ROBO2: variants seen among roughly 807,000 people sequenced by gnomAD.
The protein encoded by ROBO2 is roundabout guidance receptor 2.
In ROBO2, 53 loss-of-function variants were observed where a neutral mutation model predicts 160.8. The ratio of observed to expected loss-of-function variants is 0.33; its 90% CI spans 0.26 to 0.41. The LOEUF (loss-of-function observed/expected upper bound fraction) is 0.41, where lower values mean the gene tolerates loss of function less well. Among genes scored for constraint, ROBO2 ranks in the 10% least tolerant of loss-of-function variants. The pLI is 1.00. For missense variants in ROBO2, 1,577 were observed against 1,722.4 expected (o/e 0.92, Z 1.49); for synonymous variants, 664 against 611.7 (o/e 1.09, Z -1.26).
intron 2 of ROBO2, among the ~76,000 whole-genome samples, chr3:77,107,025 T>C (rs777592475): frequency 2.0e-5 from 3 of 152,190 alleles, no homozygotes; most frequent in Non-Finnish European, 4.4e-5. Context: ...ATAAACTGGG[T>C]AGCTTTTTAG....
chr3:77,178,129 C>G (rs758199972), intron 2 of ROBO2, among the ~76,000 whole-genome samples: 1 of 151,892 alleles, frequency 6.6e-6, no homozygotes, highest in African/African-American at 2.4e-5. Context: ...AAGACAACAT[C>G]ACAGAAGATA....
intron 2 of ROBO2, among the ~76,000 whole-genome samples, chr3:76,770,656 G>A (rs546046766): frequency 6.6e-6 from 1 of 151,126 alleles, no homozygotes; most frequent in Admixed American, 6.6e-5. Flanking sequence ...GAGAAACAAA[G>A]AATGTAAAGG....
intron 2 of ROBO2, among the ~76,000 whole-genome samples, chr3:76,276,676 G>T (rs1032842443): frequency 2.0e-5 from 3 of 151,948 alleles, no homozygotes. Context: ...ATGAAGAAAG[G>T]CTTACCAATG....
At chr3:77,185,547 G>A (rs2081203174) in intron 2 of ROBO2, among the ~76,000 whole-genome samples, 2 of 151,888 alleles carry the variant, frequency 1.3e-5, no homozygotes, top group African/African-American at 2.4e-5. Flanking sequence ...CAGTGAACAG[G>A]GAACATTGCT....
At chr3:76,363,936 C>T (rs1168307513) in intron 2 of ROBO2, among the ~76,000 whole-genome samples, 1 of 152,040 alleles carries the variant, frequency 6.6e-6, no homozygotes, top group East Asian at 1.9e-4. Context: ...ACCTTGGTCA[C>T]AGAAAGCTCA....
intron 2 of ROBO2, among the ~76,000 whole-genome samples, chr3:76,350,661 C>G (rs1029788735): frequency 6.6e-6 from 1 of 151,896 alleles, no homozygotes; most frequent in African/African-American, 2.4e-5. Context: ...GCATTAATTA[C>G]TTTAATGGGA....
intron 2 of ROBO2, among the ~76,000 whole-genome samples, chr3:76,910,203 G>A (rs567971120): frequency 6.6e-6 from 1 of 151,980 alleles, no homozygotes; most frequent in South Asian, 2.1e-4. Flanking sequence ...GTTTTGATTG[G>A]GACACTGTTC....
intron 2 of ROBO2, among the ~76,000 whole-genome samples, chr3:76,683,091 G>C (rs2092604588): frequency 6.6e-6 from 1 of 152,206 alleles, no homozygotes; most frequent in Admixed American, 6.6e-5. Flanking sequence ...TATTTCATAA[G>C]AAATAGGTTA....
In ROBO2 at chr3:76,087,388, A is replaced by G. The variant is rs551209890; in HGVS notation, c.109+149786A>G. ...AATATTTAATTTCTTGATAGAAATA[A>G]AAAACTCACCAAGCTAGAATTCTGT... On this transcript the variant is annotated intron_variant, in intron 2 of 26. Transcript: ENST00000487694. Among the ~76,000 whole-genome samples, 22 of 152,224 alleles carry G rather than the reference A, an allele frequency of 1.4e-4. No homozygotes were observed. The East Asian group carries it at 4.2e-3, about 29-fold the overall frequency.
chr3:76,363,807 T>A (rs34323985), intron 2 of ROBO2, among the ~76,000 whole-genome samples: 20,051 of 151,910 alleles, frequency 0.13, 1,632 homozygotes, highest in African/African-American at 0.23. Context: ...GTTTTTTTTT[T>A]AAATGTTTTA....
intron 1 of ROBO2, among the ~76,000 whole-genome samples, chr3:77,091,081 A>G (rs1005997060): frequency 3.9e-5 from 6 of 152,214 alleles, no homozygotes; most frequent in Non-Finnish European, 7.3e-5. Flanking sequence ...ACAGCTTGAA[A>G]TACATTGCTT....
chr3:76,191,315 G>A (rs879080101), intron 2 of ROBO2, among the ~76,000 whole-genome samples: 3 of 152,114 alleles, frequency 2.0e-5, no homozygotes, highest in Admixed American at 6.6e-5. Context: ...ATCAATACGC[G>A]TCCCAGGTTT....
intron 2 of ROBO2, among the ~76,000 whole-genome samples, chr3:77,184,398 A>T (rs554326044): frequency 6.6e-6 from 1 of 152,154 alleles, no homozygotes; most frequent in South Asian, 2.1e-4. Context: ...TTACATTATG[A>T]TAAAGGGAAT....
chr3:76,196,862 A>G (rs1575828956), intron 2 of ROBO2, among the ~76,000 whole-genome samples: 1 of 152,216 alleles, frequency 6.6e-6, no homozygotes. Context: ...TTACCTCACT[A>G]TAAATGCTCA....
intron 5 of ROBO2, among the ~76,000 whole-genome samples, chr3:77,500,784 T>G (rs2153606851): frequency 6.6e-6 from 1 of 152,178 alleles, no homozygotes; most frequent in East Asian, 1.9e-4. Flanking sequence ...AATTGCCACC[T>G]ACGGTGGGGA....
chr3:77,536,612 G>T (rs1422828131), intron 6 of ROBO2, among the ~76,000 whole-genome samples: 1 of 152,084 alleles, frequency 6.6e-6, no homozygotes, highest in Non-Finnish European at 1.5e-5. Context: ...ATGCTTGATT[G>T]TTTCCAGGAA....
At chr3:77,105,979 C>T (rs946335115) in intron 2 of ROBO2, among the ~76,000 whole-genome samples, 1 of 151,972 alleles carries the variant, frequency 6.6e-6, no homozygotes, top group South Asian at 2.1e-4. Flanking sequence ...TCCCAGAAAC[C>T]CTTTTCATAT....
At chr3:76,895,964 C>A (rs1018933259) in intron 2 of ROBO2, among the ~76,000 whole-genome samples, 2 of 152,130 alleles carry the variant, frequency 1.3e-5, no homozygotes, top group Non-Finnish European at 2.9e-5. Flanking sequence ...CAGCCTGACT[C>A]GCCTTCTAAT....
At chr3:76,315,639 G>T (rs2071954752) in intron 2 of ROBO2, among the ~76,000 whole-genome samples, 1 of 152,126 alleles carries the variant, frequency 6.6e-6, no homozygotes, top group Admixed American at 6.5e-5. Flanking sequence ...GTATTTGATG[G>T]TGTCTACTGC....
Sources: allele counts gnomAD v4.1 joint callset (sites outside exome capture counted in the v4.1 genomes callset), GRCh38; gene constraint gnomAD v4.1.1; transcripts MANE v1.5; gene names NCBI Gene and HGNC (gene_info 2026-07-23, HGNC 2026-07-21).